The following MYRFL variants were observed in gnomAD, a reference collection of about 807,000 sequenced individuals.
MYRFL encodes myelin regulatory factor like.
MYRFL carries 88 observed loss-of-function variants against 109.4 expected under a neutral mutation model. The ratio of observed to expected loss-of-function variants is 0.80; its 90% CI spans 0.68 to 0.96. The LOEUF (loss-of-function observed/expected upper bound fraction) is 0.96. MYRFL is among the 40% of genes least tolerant of loss of function. MYRFL has a pLI of 0.00. For synonymous variants in MYRFL, 324 were observed against 320.9 expected (o/e 1.01, Z -0.10); for missense variants, 957 against 954.9 (o/e 1.00, Z -0.03).
intron 19 of MYRFL, among the ~76,000 whole-genome samples, chr12:69,943,245 A>G (rs1181228107): frequency 6.6e-6 from 1 of 151,346 alleles, no homozygotes; most frequent in Non-Finnish European, 1.5e-5. Flanking sequence ...AGCCAAAAGA[A>G]CAAAGCTGGA....
chr12:69,877,586 C>G (rs1452585802), intron 2 of MYRFL, among the ~76,000 whole-genome samples: 1 of 152,140 alleles, frequency 6.6e-6, no homozygotes, highest in Admixed American at 6.5e-5. Flanking sequence ...GCTGGGGTCT[C>G]TGCTCATATT....
Position 69,840,125 on chromosome 12 carries a change from C to T in MYRFL, c.46+14562C>T, listed in dbSNP as rs890699869. Among the ~76,000 whole-genome samples the T allele has an allele frequency of 7.3e-4, 111 of 152,298 alleles. 1 individual carries two copies. Among genetic ancestry groups the T allele is most frequent in the African/African-American group, 2.6e-3 (110 of 41,556 alleles). ...CATGTATGCTTAACCTACTAAATCTCATCCTGCCAAAGTCAGCTATGAATG... is the reference window on the plus strand; with the variant it reads ...CATGTATGCTTAACCTACTAAATCTTATCCTGCCAAAGTCAGCTATGAATG... On this transcript the variant is annotated intron_variant, in intron 1 of 24. Transcript: ENST00000552032.
At chr12:69,926,946 T>G (rs1449318176) in intron 14 of MYRFL, among the ~76,000 whole-genome samples, 4 of 136,600 alleles carry the variant, frequency 2.9e-5, no homozygotes, top group African/African-American at 1.1e-4. Flanking sequence ...TTTTTTTTTT[T>G]TTTTTTTTTT....
At chr12:69,866,519 T>G (rs1885024921) in intron 2 of MYRFL, among the ~76,000 whole-genome samples, 1 of 152,206 alleles carries the variant, frequency 6.6e-6, no homozygotes, top group Non-Finnish European at 1.5e-5. Context: ...AGCACTGGGA[T>G]GCAGGGTTTT....
intron 1 of MYRFL, among the ~76,000 whole-genome samples, chr12:69,832,411 C>G (rs999276706): frequency 6.6e-6 from 1 of 152,134 alleles, no homozygotes; most frequent in African/African-American, 2.4e-5. Flanking sequence ...GTGGCTTCTT[C>G]TCTAGATGAA....
chr12:69,844,365 C>G (rs1366176909), intron 1 of MYRFL, among the ~76,000 whole-genome samples: 1 of 152,128 alleles, frequency 6.6e-6, no homozygotes, highest in Non-Finnish European at 1.5e-5. Flanking sequence ...TATAGGCCAC[C>G]TCCTATTTCT....
intron 2 of MYRFL, among the ~76,000 whole-genome samples, chr12:69,876,416 A>G (rs188330215): frequency 6.6e-6 from 1 of 150,750 alleles, no homozygotes; most frequent in Admixed American, 6.6e-5. Flanking sequence ...CAGCATTTGT[A>G]CTGTTTCTCT....
chr12:69,868,404 C>T (rs528014027), intron 2 of MYRFL, among the ~76,000 whole-genome samples: 9 of 152,172 alleles, frequency 5.9e-5, no homozygotes, highest in South Asian at 2.1e-4. Flanking sequence ...TGAGCCACCG[C>T]GCCAGACCAA....
At position 69,929,498 on chromosome 12, in the gene MYRFL, G is replaced by A. The variant is rs987504677; in HGVS notation, c.1830+1750G>A. Among the ~76,000 whole-genome samples the A allele has an allele frequency of 3.3e-5, 5 of 152,228 alleles. No homozygotes were observed. The South Asian group carries it at 1.0e-3, about 31-fold the overall frequency. The stretch of plus-strand genomic sequence containing the variant: ...CAATGAAATTGAAGGAGAAGTTACA[G>A]ATGGAATGGCATAAATGAAAGTCTG... On this transcript the variant is annotated intron_variant, in intron 15 of 24. Coordinates refer to ENST00000552032, the MANE Select transcript of MYRFL (RefSeq NM_182530.3).
At chr12:69,892,926 T>A (rs1483742371) in intron 7 of MYRFL, among the ~76,000 whole-genome samples, 2 of 152,238 alleles carry the variant, frequency 1.3e-5, no homozygotes, top group Non-Finnish European at 2.9e-5. Flanking sequence ...TTATATGATA[T>A]TAGTAAGGAC....
At chr12:69,904,734 T>C (rs936618319) in intron 11 of MYRFL, among the ~76,000 whole-genome samples, 1 of 152,218 alleles carries the variant, frequency 6.6e-6, no homozygotes, top group African/African-American at 2.4e-5. Context: ...TTCCCATGCA[T>C]TGCTTCTACC....
intron 19 of MYRFL, among the ~76,000 whole-genome samples, chr12:69,948,987 T>C (rs1223926276): frequency 2.0e-5 from 3 of 152,172 alleles, no homozygotes; most frequent in Non-Finnish European, 2.9e-5. Context: ...CTGGCTCTCT[T>C]CCTTCCATCC....
chr12:69,929,309 G>A (rs981594858), intron 15 of MYRFL, among the ~76,000 whole-genome samples: 5 of 152,166 alleles, frequency 3.3e-5, no homozygotes, highest in African/African-American at 1.2e-4. Flanking sequence ...AGGCAGAAAG[G>A]ATGAGTCAGG....
intron 1 of MYRFL, among the ~76,000 whole-genome samples, chr12:69,839,827 C>T (rs1165723281): frequency 6.6e-6 from 1 of 152,150 alleles, no homozygotes; most frequent in Non-Finnish European, 1.5e-5. Flanking sequence ...TTCTTTTGCT[C>T]CTTACTGGAT....
At chr12:69,839,668 T>A (rs1476849619) in intron 1 of MYRFL, among the ~76,000 whole-genome samples, 2 of 152,194 alleles carry the variant, frequency 1.3e-5, no homozygotes, top group African/African-American at 4.8e-5. Context: ...ATAGTACCTA[T>A]CTCATAGAAT....
intron 13 of MYRFL, among the ~76,000 whole-genome samples, chr12:69,926,117 C>CTTTTT (rs147973443): frequency 1.3e-4 from 11 of 84,840 alleles, no homozygotes; most frequent in Non-Finnish European, 2.2e-4. Context: ...TCTTCTTCTT[C>CTTTTT]TTTTTTTTTT....
At chr12:69,941,583 G>A (rs1274541465) in intron 19 of MYRFL, among the ~76,000 whole-genome samples, 1 of 94,190 alleles carries the variant, frequency 1.1e-5, no homozygotes, top group East Asian at 2.8e-4. Context: ...GAGAAAGCAG[G>A]AAAGATCCAA....
chr12:69,950,159 C>T (rs1250892913), intron 19 of MYRFL, among the ~76,000 whole-genome samples: 1 of 151,948 alleles, frequency 6.6e-6, no homozygotes, highest in East Asian at 1.9e-4. Flanking sequence ...ACAAACTCTA[C>T]TTGTATGAAG....
intron 6 of MYRFL, 97 bp downstream of exon 6, chr12:69,887,067 C>A: frequency 7.9e-7 from 1 of 1,270,568 alleles, no homozygotes; most frequent in South Asian, 1.5e-5. Flanking sequence ...CACCTCTGGT[C>A]AAGTGGGGCA....
Sources: allele counts gnomAD v4.1 joint callset (sites outside exome capture counted in the v4.1 genomes callset), GRCh38; gene constraint gnomAD v4.1.1; transcripts MANE v1.5; gene names NCBI Gene and HGNC (gene_info 2026-07-23, HGNC 2026-07-21).